The following ANO5 variants were observed in gnomAD, a reference collection of about 807,000 sequenced individuals.
ANO5 encodes the protein anoctamin-5.
A neutral mutation model predicts 121.0 loss-of-function variants in ANO5; 109 were observed. The ratio of observed to expected loss-of-function variants is 0.90; its 90% confidence interval spans 0.77 to 1.06. The LOEUF (loss-of-function observed/expected upper bound fraction) is 1.06. ANO5 is among the 50% of genes least tolerant of loss of function. The pLI is 0.00. For missense variants in ANO5, 1,064 were observed against 1,078.5 expected, an observed-to-expected ratio of 0.99 and a Z score of 0.19; for synonymous variants, 406 against 359.9, an observed-to-expected ratio of 1.13 and a Z score of -1.45.
chr11:22,270,376 T>A lies in ANO5; in HGVS notation c.1963T>A (p.Trp655Arg). 1 of 1,614,164 alleles carries A rather than the reference T, an allele frequency of 6.2e-7. No individual in the cohort carries two copies. Among genetic ancestry groups the A allele is most frequent in the Non-Finnish European group, 8.5e-7 (1 of 1,180,010 alleles). Residue 655 changes from tryptophan (W) to arginine (R), a missense_variant, in exon 18 of 22, where the codon TGG (tryptophan) becomes AGG (arginine). Physicochemically the swap from Trp to Arg is moderately radical, Grantham distance 101 (BLOSUM62 -3). Transcript: ENST00000324559. Reference protein sequence around the residue: ...RTNSEKLYSRWEQDHDLESFG... With the variant: ...RTNSEKLYSRREQDHDLESFG... ...AAACTCTGAGAAGCTGTATAGTCGA[T>A]GGGAGCAGGATCATGACCTTGAAAG...
At chr11:22,212,722 G>A (rs1038700092) in intron 3 of ANO5, among the ~76,000 whole-genome samples, 1 of 151,524 alleles carries the variant, frequency 6.6e-6, no homozygotes, top group Non-Finnish European at 1.5e-5. Flanking sequence ...CTCACAACAT[G>A]TGTGAGATAT....
intron 21 of ANO5, among the ~76,000 whole-genome samples, chr11:22,276,720 G>A (rs1393494979): frequency 1.3e-5 from 2 of 150,662 alleles, no homozygotes; most frequent in South Asian, 2.1e-4. Flanking sequence ...ATCTAGTGTA[G>A]TTATAGAGAT....
intron 17 of ANO5, among the ~76,000 whole-genome samples, chr11:22,266,067 ACT>A (rs1012467343): frequency 6.6e-4 from 100 of 152,292 alleles, no homozygotes; most frequent in Middle Eastern, 3.4e-3. Flanking sequence ...AAATAATGAA[ACT>A]CTATGTGAAA....
At position 22,259,750 on chromosome 11, in the gene ANO5, G is replaced by A. The variant is rs1423869937; in HGVS notation, c.1630+9G>A. The stretch of plus-strand genomic sequence containing the variant: ...CTGGATCACAAAAATGGGTAAGCTG[G>A]CCAAATCATTTGTGTGATTCTGAAG... On this transcript the variant is annotated intron_variant, in intron 15 of 21. Coordinates refer to ENST00000324559, the MANE Select transcript of ANO5 (RefSeq NM_213599.3). The A allele has an allele frequency of 2.5e-6, 4 of 1,596,844 alleles. No homozygotes were observed. The highest frequency in any genetic ancestry group is 2.2e-5 in the South Asian group (2 of 90,654).
intron 1 of ANO5, among the ~76,000 whole-genome samples, chr11:22,198,805 A>G (rs961268042): frequency 6.6e-5 from 10 of 152,180 alleles, no homozygotes; most frequent in Non-Finnish European, 1.3e-4. Context: ...ATCTTGAGAC[A>G]CAAGGCTTGT....
Position 22,270,387 on chromosome 11 carries a change from T to C in ANO5, c.1974T>C (p.Asp658=). Reference sequence around the variant, plus strand: ...AGCTGTATAGTCGATGGGAGCAGGATCATGACCTTGAAAGTTTTGGACCCC... The same window carrying C: ...AGCTGTATAGTCGATGGGAGCAGGACCATGACCTTGAAAGTTTTGGACCCC... ...SEKLYSRWEQ[D]HDLESFGPLG... Residue 658 remains aspartate (D), a synonymous_variant, in exon 18 of 22, where the codon GAT becomes GAC. Coordinates refer to ENST00000324559, the MANE Select transcript of ANO5 (RefSeq NM_213599.3). The C allele has an allele frequency of 1.1e-5, 17 of 1,614,180 alleles. No individual in the cohort carries two copies. Among genetic ancestry groups the C allele is most frequent in the Non-Finnish European group, 1.4e-5 (17 of 1,180,020 alleles).
At chr11:22,218,076 T>G (rs1379550756) in intron 3 of ANO5, among the ~76,000 whole-genome samples, 170 bp from the exon 4 acceptor site, 1 of 17,558 alleles carries the variant, frequency 5.7e-5, no homozygotes, top group Middle Eastern at 0.062. Flanking sequence ...ATTTTTCTTC[T>G]TTTTTTCCTT....
chr11:22,258,531 T>C (rs1332176001), intron 14 of ANO5, among the ~76,000 whole-genome samples: 1 of 152,200 alleles, frequency 6.6e-6, no homozygotes, highest in East Asian at 1.9e-4. Context: ...TCTCTAATGA[T>C]TGATAGAAAG....
At chr11:22,205,780 A>G (rs1554919609) in intron 2 of ANO5, among the ~76,000 whole-genome samples, 1 of 152,100 alleles carries the variant, frequency 6.6e-6, no homozygotes. Context: ...ATAAAGCAGG[A>G]CATATCAATA....
At chr11:22,255,943 T>C (rs1399768603) in intron 13 of ANO5, among the ~76,000 whole-genome samples, 2 of 152,132 alleles carry the variant, frequency 1.3e-5, no homozygotes, top group African/African-American at 2.4e-5. Context: ...TGTACAGACA[T>C]TGAAATGATG....
intron 8 of ANO5, among the ~76,000 whole-genome samples, chr11:22,238,694 T>C (rs1316753716): frequency 6.6e-6 from 1 of 152,142 alleles, no homozygotes; most frequent in African/African-American, 2.4e-5. Context: ...CCTTATCATA[T>C]AAAGATTTTC....
rs1855061809 is a variant in ANO5, at chr11:22,281,165, C to G, written c.*1400C>G. ...GTCCAGTTATGTAGTATTTAAATCT[C>G]CAGTTTCAAATTATAATTCACCTCC... On this transcript the variant is annotated 3_prime_UTR_variant, in exon 22 of 22. Coordinates refer to ENST00000324559, the MANE Select transcript of ANO5 (RefSeq NM_213599.3). 6.6e-6 allele frequency: 1 copy of G among 151,916 alleles called. No individual in the cohort carries two copies. The highest frequency in any genetic ancestry group is 2.1e-4 in the South Asian group (1 of 4,824). The allele number at this position is 151,916 out of a possible 1,614,324, so 9.4% of individuals were successfully genotyped here. A position where few individuals can be genotyped will look rare whatever the true frequency, so the allele number is the denominator to read the frequency against.
intron 20 of ANO5, among the ~76,000 whole-genome samples, chr11:22,275,062 A>G (rs371724920): frequency 8.5e-5 from 13 of 152,158 alleles, no homozygotes; most frequent in African/African-American, 3.1e-4. Context: ...AGTGCCCCTT[A>G]GTCCAAAGCT....
At chr11:22,250,508 C>T (rs187757317) in intron 10 of ANO5, 137 bp downstream of exon 10, 11 of 1,289,126 alleles carry the variant, frequency 8.5e-6, no homozygotes, top group Non-Finnish European at 1.2e-5. Flanking sequence ...CCAAAAACTA[C>T]TCAAACATAA....
At position 22,251,000 on chromosome 11, in the gene ANO5, T is replaced by C. The variant is rs1487140104; in HGVS notation, c.1169T>C (p.Met390Thr). Residue 390 changes from methionine (M) to threonine (T), a missense_variant, in exon 12 of 22, where the codon ATG (methionine) becomes ACG (threonine). Coordinates refer to ENST00000324559, the MANE Select transcript of ANO5 (RefSeq NM_213599.3). ...NESTVFFAIF[M>T]GIWVTLFLEF... ...TCAACAGTGTTCTTTGCAATATTCA[T>C]GGGAATTTGGGGTGAGTAAATAGTC... is the stretch of plus-strand genomic sequence containing the variant. 6.2e-7 allele frequency: 1 copy of C among 1,611,292 alleles called. No individual in the cohort carries two copies. Among genetic ancestry groups the C allele is most frequent in the East Asian group, 2.2e-5 (1 of 44,790 alleles).
chr11:22,259,399 T>G, intron 14 of ANO5, 120 bp from the exon 15 acceptor site: 1 of 1,050,222 alleles, frequency 9.5e-7, no homozygotes, highest in Non-Finnish European at 1.4e-6. Context: ...TAGTTTGCTT[T>G]GCACATGAGA....
chr11:22,194,642 C>T (rs1213067599), intron 1 of ANO5, among the ~76,000 whole-genome samples: 1 of 152,184 alleles, frequency 6.6e-6, no homozygotes. Context: ...TTTATTGTCT[C>T]TATAGATTTG....
Position 22,274,546 on chromosome 11 carries a change from CTCTTT to C in ANO5, c.2236-21_2236-17del, listed in dbSNP as rs762536132. 127 of 1,544,442 alleles carry C rather than the reference CTCTTT, an allele frequency of 8.2e-5. No homozygotes were observed. The African/African-American group carries it at 1.6e-3, about 20-fold the overall frequency. On this transcript the variant is annotated intron_variant, in intron 19 of 21. Transcript: ENST00000324559. ...ACTAAATTGGCAGCTGATGATCTTC[CTCTTT>C]TTTTTTTTATTCTTCAGGCCTTTAT...
intron 3 of ANO5, among the ~76,000 whole-genome samples, chr11:22,213,891 TTTTTG>T (rs59952448): frequency 5.5e-4 from 82 of 148,486 alleles, no homozygotes; most frequent in African/African-American, 1.4e-3. Context: ...GGTGTTTTGT[TTTTTG>T]TTTTGTTTTG....
Sources: gnomAD v4.1 joint callset for allele counts (sites outside exome capture counted in the v4.1 genomes callset) on GRCh38, gnomAD v4.1.1 for gene constraint, MANE v1.5 for transcripts, NCBI Gene and HGNC (gene_info 2026-07-23, HGNC 2026-07-21) for gene names.